Variants in COL14A1 observed in about 807,000 individuals in gnomAD.
The protein encoded by COL14A1 is collagen alpha-1(XIV) chain.
COL14A1 carries 136 observed loss-of-function variants against 230.3 expected under a neutral mutation model. The observed-to-expected ratio is 0.59, with a 90% CI of 0.51 to 0.68. COL14A1 has a LOEUF of 0.68. COL14A1 is among the 30% of genes least tolerant of loss of function. COL14A1 has a pLI of 0.00. For missense variants in COL14A1, 1,976 were observed against 2,215.8 expected, an observed-to-expected ratio of 0.89 and a Z score of 2.17; for synonymous variants, 792 against 784.1, an observed-to-expected ratio of 1.01 and a Z score of -0.17.
chr8:120,152,432 T>G (rs1156733094), intron 2 of COL14A1, among the ~76,000 whole-genome samples: 1 of 124,514 alleles, frequency 8.0e-6, no homozygotes, highest in Admixed American at 1.1e-4. Context: ...ATCGCACCAC[T>G]GCACTCCAGC....
At chr8:120,332,777 A>T (rs371361678) in intron 42 of COL14A1, 42 bp downstream of exon 42, 50 of 1,502,470 alleles carry the variant, frequency 3.3e-5, no homozygotes, top group Non-Finnish European at 4.3e-5. Flanking sequence ...AGGCCCAGTC[A>T]TCACGTTTAT....
chr8:120,224,023 C>CTTTTTTTTTTTTT lies in COL14A1; in HGVS notation c.1738-1056_1738-1044dup, dbSNP rs962510256. 3.1e-3 allele frequency among the ~76,000 whole-genome samples: 243 copies of CTTTTTTTTTTTTT among 78,264 alleles called. 43 individuals are homozygous for CTTTTTTTTTTTTT. Among genetic ancestry groups the CTTTTTTTTTTTTT allele is most frequent in the African/African-American group, 5.8e-3 (112 of 19,298 alleles). The allele number at this position is 78,264 out of a possible 152,430, so 51.3% of individuals were successfully genotyped here. On this transcript the variant is annotated intron_variant, in intron 14 of 47. Coordinates refer to ENST00000297848, the MANE Select transcript of COL14A1 (RefSeq NM_021110.4). ...GCCTTCTAGACCCTGCCCTCATCTC[C>CTTTTTTTTTTTTT]TTTTTTTTTTTTTTTTTTTTTGAGA...
intron 45 of COL14A1, among the ~76,000 whole-genome samples, chr8:120,357,685 G>A (rs1823033918): frequency 6.6e-6 from 1 of 152,044 alleles, no homozygotes; most frequent in Non-Finnish European, 1.5e-5. Flanking sequence ...TCCACGAAAT[G>A]ATTGCCAAGC....
At position 120,190,974 on chromosome 8, in the gene COL14A1, GT is replaced by G. The variant is rs1392887612; in HGVS notation, c.437-5815del. 2.0e-5 allele frequency among the ~76,000 whole-genome samples: 3 copies of G among 147,482 alleles called. No homozygotes were observed. In the East Asian group the frequency reaches 5.9e-4, roughly 29 times the overall value. ...GTCTTGCTAGCGGTCTATCAATTTT[GT>G]TGATCCTTTCAAAAAACCAGCTCCT... On this transcript the variant is annotated intron_variant, in intron 5 of 47. Transcript: ENST00000297848.
chr8:120,242,479 C>T (rs1818634263), intron 19 of COL14A1, among the ~76,000 whole-genome samples: 1 of 152,140 alleles, frequency 6.6e-6, no homozygotes, highest in Admixed American at 6.5e-5. Flanking sequence ...GTTAGATGGA[C>T]AAATTGAAAT....
In COL14A1 at chr8:120,297,563, A is replaced by G; in HGVS notation, c.4289A>G (p.Asp1430Gly). ...IVCSTSWANT[D>G]KCCELPGLRD... ...TGCTCCACATCATGGGCCAATACAG[A>G]CAAATGCTGTGAACTTCCAGGCCTG... The change falls in exon 35 of 48, where the codon GAC becomes GGC. Residue 1430 changes from aspartate to glycine, a missense_variant. Asp to Gly is a moderately conservative substitution (Grantham distance 94). Coordinates refer to ENST00000297848, the MANE Select transcript of COL14A1 (RefSeq NM_021110.4). 1.4e-6 allele frequency: 2 copies of G among 1,432,480 alleles called. No individual in the cohort carries two copies. The highest frequency in any genetic ancestry group is 2.7e-5 in the East Asian group (1 of 37,730). The allele number at this position is 1,432,480 out of a possible 1,614,324, so 88.7% of individuals were successfully genotyped here.
chr8:120,329,137 T>C (rs1488830175), intron 40 of COL14A1, among the ~76,000 whole-genome samples: 1 of 152,244 alleles, frequency 6.6e-6, no homozygotes, highest in South Asian at 2.1e-4. Context: ...TATAAACTTA[T>C]AAACTTATTT....
In COL14A1 at chr8:120,228,707, T is replaced by C. The variant is rs1433913792; in HGVS notation, c.2138-3T>C. Reference sequence around the variant, plus strand: ...GCATTTTAAAGTAATATATTGCTTTTAGTTGACAGTTTTTGGACAGAACCA... The same window carrying C: ...GCATTTTAAAGTAATATATTGCTTTCAGTTGACAGTTTTTGGACAGAACCA... On this transcript the variant is annotated splice_polypyrimidine_tract_variant and splice_region_variant and intron_variant, in intron 17 of 47. Coordinates refer to ENST00000297848, the MANE Select transcript of COL14A1 (RefSeq NM_021110.4). 5 of 1,612,976 alleles carry C rather than the reference T, an allele frequency of 3.1e-6. No homozygotes were observed. The highest frequency in any genetic ancestry group is 2.5e-6 in the Non-Finnish European group (3 of 1,179,056).
intron 8 of COL14A1, among the ~76,000 whole-genome samples, chr8:120,202,989 A>AATATACAT (rs1171878593): frequency 9.4e-6 from 1 of 106,554 alleles, no homozygotes; most frequent in Admixed American, 9.4e-5. Context: ...AATAATTTCA[A>AATATACAT]ATATATATAT....
intron 36 of COL14A1, among the ~76,000 whole-genome samples, chr8:120,308,830 G>A (rs539344032): frequency 9.8e-4 from 149 of 152,258 alleles, no homozygotes; most frequent in African/African-American, 3.5e-3. Context: ...CTTCTGCTCA[G>A]GTAAAATATA....
At chr8:120,179,362 T>A (rs1390043434) in intron 5 of COL14A1, among the ~76,000 whole-genome samples, 1 of 152,162 alleles carries the variant, frequency 6.6e-6, no homozygotes. Flanking sequence ...AAAATTAATG[T>A]GCAAAAATCA....
chr8:120,222,768 A>T (rs933451518), intron 14 of COL14A1, among the ~76,000 whole-genome samples: 1 of 124,536 alleles, frequency 8.0e-6, no homozygotes, highest in Non-Finnish European at 1.8e-5. Context: ...TATTCTATTC[A>T]CTCAAAAAAA....
intron 42 of COL14A1, among the ~76,000 whole-genome samples, chr8:120,333,599 G>C (rs945121042): frequency 1.3e-5 from 2 of 152,232 alleles, no homozygotes; most frequent in Non-Finnish European, 2.9e-5. Context: ...TTAGATTCCT[G>C]TTACCACTTA....
intron 31 of COL14A1, 59 bp downstream of exon 31, chr8:120,281,118 A>T: frequency 6.7e-7 from 1 of 1,491,756 alleles, no homozygotes; most frequent in Non-Finnish European, 9.1e-7. Flanking sequence ...TCACTGTGAA[A>T]ATGATGTCAA....
chr8:120,283,785 A>G lies in COL14A1; in HGVS notation c.3967+7A>G. ...GTTGGGGTTATTTTAGACAGTAAGT[A>G]TATTTATTGAGATCACATTCACATA... is the stretch of plus-strand genomic sequence containing the variant. On this transcript the variant is annotated splice_region_variant and intron_variant, in intron 32 of 47. Coordinates refer to ENST00000297848, the MANE Select transcript of COL14A1 (RefSeq NM_021110.4). 2 of 1,603,848 alleles carry G rather than the reference A, an allele frequency of 1.2e-6. No homozygotes were observed. Among genetic ancestry groups the G allele is most frequent in the South Asian group, 1.1e-5 (1 of 88,874 alleles).
Position 120,262,973 on chromosome 8 carries a change from A to G in COL14A1, c.2975A>G (p.Gln992Arg). The change falls in exon 24 of 48, where the codon CAG (glutamine) becomes CGG (arginine). Residue 992 changes from glutamine to arginine, a missense_variant. Gln to Arg is a conservative substitution (Grantham distance 43, BLOSUM62 1). This residue lies in a region of COL14A1 where 1,791 missense variants were observed against 2,019.5 expected (regional missense o/e 0.89). Coordinates refer to ENST00000297848, the MANE Select transcript of COL14A1 (RefSeq NM_021110.4). Reference protein sequence around the residue: ...EYKISVYTKLQEIEGPSVSIM... With the variant: ...EYKISVYTKLREIEGPSVSIM... ...AAAATCAGTGTTTATACAAAGCTCC[A>G]GGAGATTGAAGGACCTAGTGTGAGC... 1 of 1,613,290 alleles carries G rather than the reference A, an allele frequency of 6.2e-7. No individual in the cohort carries two copies. The highest frequency in any genetic ancestry group is 8.5e-7 in the Non-Finnish European group (1 of 1,179,688).
chr8:120,300,670 C>A, intron 35 of COL14A1, 62 bp from the exon 36 acceptor site: 1 of 1,225,542 alleles, frequency 8.2e-7, no homozygotes, highest in Non-Finnish European at 1.2e-6. Context: ...TTTCTTTGAG[C>A]CAGTAAAGCC....
intron 32 of COL14A1, 103 bp from the exon 33 acceptor site, chr8:120,285,758 T>G (rs1820176016): frequency 1.3e-6 from 1 of 743,298 alleles, no homozygotes. Context: ...CTAAATACAG[T>G]TTCAAAACAA....
At chr8:120,173,575 C>CTATCTATCTATCTATCTATCATT (rs1816164431) in intron 5 of COL14A1, among the ~76,000 whole-genome samples, 1 of 151,876 alleles carries the variant, frequency 6.6e-6, no homozygotes. Flanking sequence ...ATCTATCTAT[C>CTATCTATCTATCTATCTATCATT]TATCTATCTA....
Sources: gnomAD v4.1 joint callset for allele counts (sites outside exome capture counted in the v4.1 genomes callset) on GRCh38, gnomAD v4.1.1 for gene constraint, gnomAD v4.1.1 regional missense constraint, MANE v1.5 for transcripts, NCBI Gene and HGNC (gene_info 2026-07-23, HGNC 2026-07-21) for gene names.